Variants in APEH observed in about 807,000 individuals in gnomAD.
The protein encoded by APEH is acylaminoacyl-peptide hydrolase.
A neutral mutation model predicts 102.7 loss-of-function variants in APEH; 75 were observed. That is an observed-to-expected ratio of 0.73 (90% CI 0.61 to 0.89). The LOEUF (loss-of-function observed/expected upper bound fraction) is 0.89, where lower values mean the gene tolerates loss of function less well. Ranked by LOEUF, APEH falls within the 40% of genes least tolerant of loss-of-function variation. The probability of loss-of-function intolerance (pLI) is 0.00; values close to 1 mark genes in which losing one functional copy is unlikely to be tolerated. For synonymous variants in APEH, 344 were observed against 362.7 expected (o/e 0.95, Z 0.59); for missense variants, 863 against 941.2 (o/e 0.92, Z 1.09).
At position 49,676,488 on chromosome 3, in the gene APEH, G is replaced by T. The variant is rs1487813151; in HGVS notation, c.717G>T (p.Gly239=). 3 of 1,614,244 alleles carry T rather than the reference G, an allele frequency of 1.9e-6. No individual in the cohort carries two copies. The highest frequency in any genetic ancestry group is 2.2e-5 in the East Asian group (1 of 44,888). Residue 239 remains glycine, a synonymous_variant, in exon 7 of 22, where the codon GGG becomes GGT. Coordinates refer to ENST00000296456, the MANE Select transcript of APEH (RefSeq NM_001640.4). ...GTGGCAACATCTCTGTGCTTGAGGG[G>T]GTCCCTGAGAATGTGTCCCCTGGAC... ...VESGNISVLE[G]VPENVSPGQA...
chr3:49,678,441 A>G (rs2053167659), intron 11 of APEH, among the ~76,000 whole-genome samples: 2 of 152,106 alleles, frequency 1.3e-5, no homozygotes, highest in African/African-American at 2.4e-5. Context: ...TGATGATATT[A>G]AAGGGTAGGA....
chr3:49,683,088 C>T lies in APEH; in HGVS notation c.2035C>T (p.Pro679Ser). Residue 679 changes from proline (P) to serine (S), a missense_variant, in exon 21 of 22, where the codon CCC becomes TCC. By Grantham distance (74) the Pro-to-Ser change is moderately conservative. Coordinates refer to ENST00000296456, the MANE Select transcript of APEH (RefSeq NM_001640.4). ...GTTGGGCCAGGAGGACCGGCGTGTG[C>T]CCTTCAAGCAGGGCATGGAGTATTA... The part of the protein sequence containing the change: ...LMLGQEDRRV[P>S]FKQGMEYYRA... The T allele has an allele frequency of 6.2e-7, 1 of 1,614,026 alleles. No individual in the cohort carries two copies. Among genetic ancestry groups the T allele is most frequent in the Non-Finnish European group, 8.5e-7 (1 of 1,180,038 alleles).
chr3:49,675,332 G>A, intron 3 of APEH, 23 bp downstream of exon 3: 1 of 1,612,736 alleles, frequency 6.2e-7, no homozygotes, highest in Non-Finnish European at 8.5e-7. Context: ...GAGGAAGCTT[G>A]TGGGCAAGGC....
chr3:49,682,978 C>T, intron 20 of APEH, 33 bp downstream of exon 20: 4 of 1,610,840 alleles, frequency 2.5e-6, no homozygotes, highest in South Asian at 2.2e-5. Flanking sequence ...TGTGTGCTGC[C>T]CATCCATCCA....
intron 4 of APEH, 45 bp downstream of exon 4, chr3:49,675,832 C>T (rs781493534): frequency 2.5e-6 from 4 of 1,612,700 alleles, no homozygotes; most frequent in Non-Finnish European, 3.4e-6. Flanking sequence ...GAGAGAGGCT[C>T]TGCCCCACAG....
Position 49,683,083 on chromosome 3 carries a change from G to A in APEH, c.2030G>A (p.Arg677His), listed in dbSNP as rs749450590. 1.9e-6 allele frequency: 3 copies of A among 1,613,954 alleles called. No individual in the cohort carries two copies. Among genetic ancestry groups the A allele is most frequent in the Non-Finnish European group, 2.5e-6 (3 of 1,180,046 alleles). Reference protein sequence around the residue: ...LLLMLGQEDRRVPFKQGMEYY... With the variant: ...LLLMLGQEDRHVPFKQGMEYY... The stretch of plus-strand genomic sequence containing the variant: ...CTGATGTTGGGCCAGGAGGACCGGC[G>A]TGTGCCCTTCAAGCAGGGCATGGAG... Residue 677 changes from arginine (R) to histidine (H), a missense_variant, in exon 21 of 22, where the codon CGT becomes CAT. Coordinates refer to ENST00000296456, the MANE Select transcript of APEH (RefSeq NM_001640.4).
At chr3:49,674,319 G>T (rs374174745), upstream of APEH, 3 of 1,495,306 alleles carry the variant, frequency 2.0e-6, no homozygotes, top group South Asian at 3.7e-5. Context: ...GAGACAGCCC[G>T]GGCCGTCCCA....
chr3:49,679,490 G>T lies in APEH; in HGVS notation c.1159-103G>T, dbSNP rs2053224573. ...CATAGCTGTCCACAGCCTTGGTCTGGCCAGGGCTCTCCAAGAGGGTAGAGA... is the reference window on the plus strand; with the variant it reads ...CATAGCTGTCCACAGCCTTGGTCTGTCCAGGGCTCTCCAAGAGGGTAGAGA... On this transcript the variant is annotated intron_variant, in intron 12 of 21. Transcript: ENST00000296456. This position sits in a 1 kb window ranked among gnomAD's most constrained non-coding sequence, Gnocchi z 4.3. 1.6e-6 allele frequency: 2 copies of T among 1,256,616 alleles called. No individual in the cohort carries two copies. Among genetic ancestry groups the T allele is most frequent in the Non-Finnish European group, 2.3e-6 (2 of 865,704 alleles). 77.8% of individuals were successfully genotyped at this position (1,256,616 alleles called of 1,614,324 possible).
At position 49,674,431 on chromosome 3, in the gene APEH, G is replaced by T. The variant is rs1198962950; in HGVS notation, c.12+18G>T. The T allele has an allele frequency of 1.9e-6, 3 of 1,570,758 alleles. No individual in the cohort carries two copies. The highest frequency in any genetic ancestry group is 2.7e-5 in the African/African-American group (2 of 73,914). ...AACGTCAGGTGAGGGCTCGGCCCGC[G>T]GTCCCCGTGGTCCCTGCAGCCCGGG... On this transcript the variant is annotated intron_variant, in intron 1 of 21. Coordinates refer to ENST00000296456, the MANE Select transcript of APEH (RefSeq NM_001640.4).
rs907177971 is a variant in APEH at position 49,679,697 on chromosome 3, C to G, written c.1210+53C>G. ...AGGGCAGGGCTGGTGAGCAAGCCAA[C>G]CAGGCAGCGGGGGACTGGAGCTCCA... On this transcript the variant is annotated intron_variant, in intron 13 of 21. Coordinates refer to ENST00000296456, the MANE Select transcript of APEH (RefSeq NM_001640.4). This position sits in a 1 kb window ranked among gnomAD's most constrained non-coding sequence, Gnocchi z 4.3. The G allele has an allele frequency of 1.5e-5, 23 of 1,567,950 alleles. No individual in the cohort carries two copies. In the African/African-American group the frequency reaches 3.0e-4, roughly 20 times the overall value.
chr3:49,681,057 G>C, intron 14 of APEH, 44 bp from the exon 15 acceptor site: 1 of 1,526,688 alleles, frequency 6.6e-7, no homozygotes, highest in Non-Finnish European at 8.8e-7. Context: ...GGAAGGGCAG[G>C]GAGGCAGCCA....
chr3:49,682,998 G>C, intron 20 of APEH, 42 bp from the exon 21 acceptor site: 1 of 1,611,208 alleles, frequency 6.2e-7, no homozygotes, highest in Non-Finnish European at 8.5e-7. Flanking sequence ...AGAATCCAGG[G>C]CCCAGCTCAA....
rs2053238182 is a variant in APEH, at chr3:49,679,841, CT to C, written c.1210+199del. On this transcript the variant is annotated intron_variant, in intron 13 of 21. Transcript: ENST00000296456. This position sits in a 1 kb window ranked among gnomAD's most constrained non-coding sequence, Gnocchi z 4.3. ...GACCCTTACCCAACCAACAGACTAG[CT>C]TCCCTGCTCTACTGCCCTTTAGCAC... is the stretch of plus-strand genomic sequence containing the variant. 5 of 565,626 alleles carry C rather than the reference CT, an allele frequency of 8.8e-6. No individual in the cohort carries two copies. The highest frequency in any genetic ancestry group is 1.6e-5 in the Non-Finnish European group (5 of 310,686). The allele number at this position is 565,626 out of a possible 1,614,324, so 35.0% of individuals were successfully genotyped here.
rs1421210499 is a variant in APEH at position 49,675,947 on chromosome 3, T to C, written c.423T>C (p.His141=). The C allele has an allele frequency of 2.5e-6, 4 of 1,614,174 alleles. No individual in the cohort carries two copies. The highest frequency in any genetic ancestry group is 3.4e-6 in the Non-Finnish European group (4 of 1,180,018). ...TCAACCTGTCAGCGCTGGAGAAACA[T>C]GGGCCTGTTTATGAGGATGGTGAGG... The part of the protein sequence containing the change: ...KSFNLSALEK[H]GPVYEDDCFG... Residue 141 remains histidine (H), a synonymous_variant, in exon 5 of 22, where the codon CAT becomes CAC. Coordinates refer to ENST00000296456, the MANE Select transcript of APEH (RefSeq NM_001640.4).
At chr3:49,675,642 A>C (rs1292414541) in intron 3 of APEH, 52 bp from the exon 4 acceptor site, 1 of 1,513,774 alleles carries the variant, frequency 6.6e-7, no homozygotes, top group Non-Finnish European at 9.2e-7. Context: ...AGTAGGGAGC[A>C]GGAAGGGGTT....
rs781056034 is a variant in APEH at position 49,682,561 on chromosome 3, G to A, written c.1708G>A (p.Val570Met). ...CACCCTGCAGTTTGCAGTGGAACAG[G>A]TGCTCCAGGAGGAACACTTTGATGC... The part of the protein sequence containing the change: ...VKDVQFAVEQ[V>M]LQEEHFDASH... Residue 570 changes from valine to methionine, a missense_variant, in exon 19 of 22, where the codon GTG becomes ATG. Coordinates refer to ENST00000296456, the MANE Select transcript of APEH (RefSeq NM_001640.4). The A allele has an allele frequency of 1.9e-6, 3 of 1,614,130 alleles. No individual in the cohort carries two copies. Among genetic ancestry groups the A allele is most frequent in the Admixed American group, 1.7e-5 (1 of 60,030 alleles).
In APEH at chr3:49,675,871, T is replaced by G. The variant is rs1056928815; in HGVS notation, c.367-20T>G. 3.7e-6 allele frequency: 6 copies of G among 1,613,892 alleles called. No homozygotes were observed. In the African/African-American group the frequency reaches 6.7e-5, roughly 18 times the overall value. On this transcript the variant is annotated intron_variant, in intron 4 of 21. Transcript: ENST00000296456. ...AGGCTCTGTTAGCGGGCAAACAGCC[T>G]AATGCCCAGATGTCCTCAGGTCTGG...
chr3:49,680,334 G>A, intron 13 of APEH: 3 of 553,482 alleles, frequency 5.4e-6, no homozygotes, highest in Non-Finnish European at 9.8e-6. Context: ...GCAGTTCCCA[G>A]CCCAGCCAGT....
chr3:49,679,602 G>A lies in APEH; in HGVS notation c.1168G>A (p.Ala390Thr). The A allele has an allele frequency of 6.2e-7, 1 of 1,613,948 alleles. No individual in the cohort carries two copies. Among genetic ancestry groups the A allele is most frequent in the Non-Finnish European group, 8.5e-7 (1 of 1,179,872 alleles). ...CTTGCCTCTGCTTCAGGACCTGTTT[G>A]CTGTGGACACCCAAGTGGGCACTGT... Reference protein sequence around the residue: ...SAQRSRQDLFAVDTQVGTVTS... With the variant: ...SAQRSRQDLFTVDTQVGTVTS... Residue 390 changes from alanine (A) to threonine (T), a missense_variant, in exon 13 of 22, where the codon GCT becomes ACT. By Grantham distance (58) the Ala-to-Thr change is moderately conservative. Coordinates refer to ENST00000296456, the MANE Select transcript of APEH (RefSeq NM_001640.4). This position sits in a 1 kb window ranked among gnomAD's most constrained non-coding sequence, Gnocchi z 4.3.
Sources: allele counts gnomAD v4.1 joint callset (sites outside exome capture counted in the v4.1 genomes callset), GRCh38; gene constraint gnomAD v4.1.1; non-coding constraint Gnocchi (gnomAD v3.1); transcripts MANE v1.5; gene names NCBI Gene and HGNC (gene_info 2026-07-23, HGNC 2026-07-21).